The following FAM120B variants were observed in gnomAD, a reference collection of about 807,000 sequenced individuals.
FAM120B encodes family with sequence similarity 120 member B.
FAM120B carries 83 observed loss-of-function variants against 96.3 expected under a neutral mutation model. That is an observed-to-expected ratio of 0.86 (90% CI 0.72 to 1.03). The LOEUF is 1.03. Ranked by LOEUF, FAM120B falls within the 50% of genes least tolerant of loss-of-function variation. The pLI, the probability that FAM120B is intolerant of heterozygous loss-of-function variation, is 0.00. For synonymous variants in FAM120B, 407 were observed against 402.7 expected, an observed-to-expected ratio of 1.01 and a Z score of -0.13; for missense variants, 1,027 against 1,121.2, an observed-to-expected ratio of 0.92 and a Z score of 1.20.
At chr6:170,390,901 C>T (rs938299406) in intron 7 of FAM120B, 112 bp from the exon 8 acceptor site, 8 of 817,156 alleles carry the variant, frequency 9.8e-6, no homozygotes, top group Admixed American at 6.1e-5. Context: ...ATTGCTGCCT[C>T]GCCTTGGGAA....
At chr6:170,321,818 T>C (rs1367295222) in intron 2 of FAM120B, among the ~76,000 whole-genome samples, 1 of 152,184 alleles carries the variant, frequency 6.6e-6, no homozygotes, top group Admixed American at 6.5e-5. Flanking sequence ...CCATTTTCTA[T>C]AGGAAGAAGG....
intron 2 of FAM120B, among the ~76,000 whole-genome samples, chr6:170,321,018 C>T (rs934536940): frequency 4.6e-5 from 7 of 152,116 alleles, no homozygotes; most frequent in East Asian, 1.9e-4. Context: ...GAGGCAAAGC[C>T]GACAGGGAGT....
chr6:170,362,621 A>T (rs1173513762), intron 6 of FAM120B, among the ~76,000 whole-genome samples: 4 of 152,008 alleles, frequency 2.6e-5, no homozygotes, highest in Non-Finnish European at 2.9e-5. Context: ...GTGTGTGCTC[A>T]GAAGTCATTT....
chr6:170,363,394 C>G lies in FAM120B; in HGVS notation c.2283+5076C>G, dbSNP rs1298485254. ...GGCTGCCTCGTACCCACCGCTGTCCCTGGTGTGCATGGCGAGTGCAGCAAG... is the reference window on the plus strand; with the variant it reads ...GGCTGCCTCGTACCCACCGCTGTCCGTGGTGTGCATGGCGAGTGCAGCAAG... On this transcript the variant is annotated intron_variant, in intron 6 of 10. Coordinates refer to ENST00000476287, the MANE Select transcript of FAM120B (RefSeq NM_032448.3). The surrounding 1 kb of genome is among the most constrained non-coding windows in gnomAD (Gnocchi z 4.5). Among the ~76,000 whole-genome samples the G allele has an allele frequency of 6.6e-6, 1 of 152,288 alleles. No homozygotes were observed. The highest frequency in any genetic ancestry group is 1.5e-5 in the Non-Finnish European group (1 of 68,054).
At chr6:170,337,401 A>C (rs539951964) in intron 4 of FAM120B, among the ~76,000 whole-genome samples, 2 of 152,246 alleles carry the variant, frequency 1.3e-5, no homozygotes, top group African/African-American at 4.8e-5. Context: ...GTGGTGGATA[A>C]ATTTTTTGAT....
At chr6:170,397,922 G>A (rs529750911) in intron 9 of FAM120B, among the ~76,000 whole-genome samples, 13 of 152,336 alleles carry the variant, frequency 8.5e-5, no homozygotes, top group Non-Finnish European at 1.8e-4. Context: ...AGGGCGTGCT[G>A]TCATGTCCCC....
Position 170,370,462 on chromosome 6 carries a change from T to C in FAM120B, c.2283+12144T>C, listed in dbSNP as rs1789114354. Among the ~76,000 whole-genome samples the C allele has an allele frequency of 6.6e-6, 1 of 152,196 alleles. No homozygotes were observed. The highest frequency in any genetic ancestry group is 1.9e-4 in the East Asian group (1 of 5,196). On this transcript the variant is annotated intron_variant, in intron 6 of 10. Coordinates refer to ENST00000476287, the MANE Select transcript of FAM120B (RefSeq NM_032448.3). This position sits in a 1 kb window ranked among gnomAD's most constrained non-coding sequence, Gnocchi z 4.3. ...CAGTTTCTCTGTGCCCCTGGCTTCC[T>C]CTCGCCTTTCCTGGTTCCAGGAGCT...
chr6:170,333,603 C>T (rs112658129), intron 4 of FAM120B, among the ~76,000 whole-genome samples: 4 of 151,458 alleles, frequency 2.6e-5, no homozygotes, highest in East Asian at 3.9e-4. Flanking sequence ...CTGCAACCTC[C>T]GCCTCCTGAG....
At chr6:170,321,026 A>T (rs1235737059) in intron 2 of FAM120B, among the ~76,000 whole-genome samples, 1 of 152,176 alleles carries the variant, frequency 6.6e-6, no homozygotes, top group Admixed American at 6.5e-5. Context: ...GCCGACAGGG[A>T]GTTTGGCAGT....
At chr6:170,335,734 A>G (rs1786377809) in intron 4 of FAM120B, among the ~76,000 whole-genome samples, 1 of 152,192 alleles carries the variant, frequency 6.6e-6, no homozygotes, top group Non-Finnish European at 1.5e-5. Context: ...TGACTTTTTA[A>G]TGATCACCAT....
chr6:170,327,236 CG>C (rs1785652063), intron 3 of FAM120B, among the ~76,000 whole-genome samples: 2 of 151,840 alleles, frequency 1.3e-5, no homozygotes, highest in African/African-American at 4.8e-5. Flanking sequence ...TTAGGAGAGA[CG>C]GGGTTTCACT....
At position 170,341,739 on chromosome 6, in the gene FAM120B, C is replaced by T. The variant is rs115037166; in HGVS notation, c.2018-6412C>T. ...CTTCCCTTGGCTGGGGGAGAGCAGTCCCCAGCTCCTTGCACTTCCTGGGTG... is the reference window on the plus strand; with the variant it reads ...CTTCCCTTGGCTGGGGGAGAGCAGTTCCCAGCTCCTTGCACTTCCTGGGTG... On this transcript the variant is annotated intron_variant, in intron 4 of 10. Coordinates refer to ENST00000476287, the MANE Select transcript of FAM120B (RefSeq NM_032448.3). Among the ~76,000 whole-genome samples the T allele has an allele frequency of 2.8e-3, 424 of 152,242 alleles. 1 individual carries two copies. Among genetic ancestry groups the T allele is most frequent in the African/African-American group, 9.7e-3 (402 of 41,550 alleles).
rs1583162095 is a variant in FAM120B at position 170,295,545 on chromosome 6, T to C, written c.48+92T>C. ...GAGCGCGACCCCCGGCGCGGGCAGCTCTGCGCGAAGGTGGGCGACGGTGGG... is the reference window on the plus strand; with the variant it reads ...GAGCGCGACCCCCGGCGCGGGCAGCCCTGCGCGAAGGTGGGCGACGGTGGG... On this transcript the variant is annotated intron_variant, in intron 1 of 10. Transcript: ENST00000537664. The surrounding 1 kb of genome is among the most constrained non-coding windows in gnomAD (Gnocchi z 7.8). 1 of 608,804 alleles carries C rather than the reference T, an allele frequency of 1.6e-6. No homozygotes were observed. The highest frequency in any genetic ancestry group is 2.9e-6 in the Non-Finnish European group (1 of 346,576). The allele number at this position is 608,804 out of a possible 1,614,324, so 37.7% of individuals were successfully genotyped here. A position where few individuals can be genotyped will look rare whatever the true frequency, so the allele number is the denominator to read the frequency against.
chr6:170,303,289 G>A (rs550572908), upstream of FAM120B, among the ~76,000 whole-genome samples: 1 of 152,150 alleles, frequency 6.6e-6, no homozygotes, highest in Non-Finnish European at 1.5e-5. Flanking sequence ...ACCCAGGCTG[G>A]AGTGTGGTGG....
intron 4 of FAM120B, among the ~76,000 whole-genome samples, chr6:170,345,031 C>T (rs74728625): frequency 0.055 from 8,422 of 152,270 alleles, 317 homozygotes; most frequent in Non-Finnish European, 0.084. Context: ...GTGTGCTCCA[C>T]TGATTGTAAA....
intron 4 of FAM120B, 46 bp from the exon 5 acceptor site, chr6:170,348,105 C>A: frequency 6.7e-7 from 1 of 1,496,214 alleles, no homozygotes; most frequent in Non-Finnish European, 9.2e-7. Context: ...TATTATAACT[C>A]TGTGCTGCAA....
In FAM120B at chr6:170,329,947, A is replaced by G. The variant is rs77566505; in HGVS notation, c.1916-502A>G. Among the ~76,000 whole-genome samples, 1,333 of 152,264 alleles carry G rather than the reference A, an allele frequency of 8.8e-3. 65 individuals are homozygous for G. In the East Asian group the frequency reaches 0.1, roughly 12 times the overall value. On this transcript the variant is annotated intron_variant, in intron 3 of 10. Transcript: ENST00000476287. ...CTGATGATCACCTTTGTGCTGGGAT[A>G]TCTGGCATCTAGGGACACCACCTCT... is the stretch of plus-strand genomic sequence containing the variant.
upstream of FAM120B, among the ~76,000 whole-genome samples, chr6:170,303,869 C>G (rs185929024): frequency 1.3e-5 from 2 of 152,254 alleles, no homozygotes; most frequent in Non-Finnish European, 2.9e-5. Context: ...TCCTTATTCA[C>G]TTTCCTATCT....
chr6:170,335,283 C>T (rs2115086145), intron 4 of FAM120B, among the ~76,000 whole-genome samples: 1 of 152,180 alleles, frequency 6.6e-6, no homozygotes, highest in Admixed American at 6.5e-5. Flanking sequence ...GTTCAACTCC[C>T]ACTTATGAGT....
Sources: allele counts gnomAD v4.1 joint callset (sites outside exome capture counted in the v4.1 genomes callset), GRCh38; gene constraint gnomAD v4.1.1; non-coding constraint Gnocchi (gnomAD v3.1); transcripts MANE v1.5; gene names NCBI Gene and HGNC (gene_info 2026-07-23, HGNC 2026-07-21).